PRKCB: variants seen among roughly 807,000 people sequenced by gnomAD.
PRKCB encodes the protein protein kinase C beta type.
A neutral mutation model predicts 81.5 loss-of-function variants in PRKCB; 13 were observed. The observed-to-expected ratio is 0.16, with a 90% CI of 0.10 to 0.25. The LOEUF (loss-of-function observed/expected upper bound fraction) is 0.25, where lower values mean the gene tolerates loss of function less well. Among genes scored for constraint, PRKCB ranks in the 10% least tolerant of loss-of-function variants. The pLI is 1.00. For missense variants in PRKCB, 509 were observed against 875.7 expected, an observed-to-expected ratio of 0.58 and a Z score of 5.29; for synonymous variants, 335 against 321.4, an observed-to-expected ratio of 1.04 and a Z score of -0.45.
chr16:24,184,414 C>T (rs1967671501), intron 13 of PRKCB, among the ~76,000 whole-genome samples: 1 of 150,826 alleles, frequency 6.6e-6, no homozygotes, highest in Non-Finnish European at 1.5e-5. Flanking sequence ...ATGATCTCAC[C>T]ACTGCACTCC....
At chr16:23,972,328 T>C (rs944211847) in intron 2 of PRKCB, among the ~76,000 whole-genome samples, 8 of 152,214 alleles carry the variant, frequency 5.3e-5, no homozygotes, top group Non-Finnish European at 1.0e-4. Flanking sequence ...TACATGCGTA[T>C]AATACATTTG....
At chr16:24,103,192 T>A (rs1966530995) in intron 7 of PRKCB, among the ~76,000 whole-genome samples, 1 of 152,230 alleles carries the variant, frequency 6.6e-6, no homozygotes, top group Non-Finnish European at 1.5e-5. Context: ...GAACAAGCAT[T>A]TAAGGGAATA....
At chr16:24,156,253 T>C (rs1967154169) in intron 10 of PRKCB, among the ~76,000 whole-genome samples, 3 of 152,130 alleles carry the variant, frequency 2.0e-5, no homozygotes, top group Admixed American at 6.5e-5. Context: ...ATTGGTTCAC[T>C]GTTGTGCTCC....
rs1966694963 is a variant in PRKCB at position 24,113,097 on chromosome 16, TTC to T, written c.918+30_918+31del. 8 of 1,552,614 alleles carry T rather than the reference TTC, an allele frequency of 5.2e-6. No individual in the cohort carries two copies. In the East Asian group the frequency reaches 1.6e-4, roughly 31 times the overall value. On this transcript the variant is annotated intron_variant, in intron 8 of 16. Coordinates refer to ENST00000643927, the MANE Select transcript of PRKCB (RefSeq NM_002738.7). ...GAGGTTTCTTTTCTTTTTCTCTTCT[TTC>T]TTTTTTCTCTTTCTTTTTTCCTTCT...
At chr16:24,051,025 C>T (rs1366727249) in intron 5 of PRKCB, among the ~76,000 whole-genome samples, 7 of 152,022 alleles carry the variant, frequency 4.6e-5, no homozygotes, top group African/African-American at 1.7e-4. Context: ...AGGCTGAGAG[C>T]TTTTGGGTCT....
chr16:23,959,831 C>T (rs1567326524), intron 2 of PRKCB, among the ~76,000 whole-genome samples: 1 of 152,182 alleles, frequency 6.6e-6, no homozygotes, highest in Non-Finnish European at 1.5e-5. Flanking sequence ...GATTTATTTT[C>T]ATTTAATCTT....
intron 3 of PRKCB, among the ~76,000 whole-genome samples, chr16:23,991,588 A>T (rs1037536000): frequency 6.6e-6 from 1 of 152,176 alleles, no homozygotes; most frequent in African/African-American, 2.4e-5. Flanking sequence ...ACTGACTTAT[A>T]TGAAAAGGAA....
chr16:24,157,850 G>A (rs1462073788), intron 10 of PRKCB, among the ~76,000 whole-genome samples: 1 of 151,196 alleles, frequency 6.6e-6, no homozygotes, highest in Non-Finnish European at 1.5e-5. Flanking sequence ...AGTTTCCTGA[G>A]GCCTCTCTAG....
intron 9 of PRKCB, among the ~76,000 whole-genome samples, chr16:24,150,327 C>A (rs995727695): frequency 2.0e-5 from 3 of 151,866 alleles, no homozygotes; most frequent in Non-Finnish European, 4.4e-5. Context: ...GTCTCAAAAA[C>A]GAAAAACAGA....
chr16:24,077,367 C>G (rs958435934), intron 5 of PRKCB, among the ~76,000 whole-genome samples: 7 of 152,020 alleles, frequency 4.6e-5, no homozygotes, highest in Non-Finnish European at 1.0e-4. Flanking sequence ...CCCACCTAAC[C>G]CATCCATCCA....
chr16:24,190,452 A>G (rs1967772202), intron 15 of PRKCB, among the ~76,000 whole-genome samples: 1 of 150,802 alleles, frequency 6.6e-6, no homozygotes, highest in Non-Finnish European at 1.5e-5. Context: ...TTAAACCAAA[A>G]TGGATAAATG....
intron 4 of PRKCB, among the ~76,000 whole-genome samples, chr16:24,032,799 G>C (rs556422184): frequency 3.3e-5 from 5 of 152,322 alleles, no homozygotes; most frequent in African/African-American, 1.2e-4. Flanking sequence ...CAAAGCAAGT[G>C]GCATGTGAGA....
chr16:23,967,285 G>T (rs1046663408), intron 2 of PRKCB, among the ~76,000 whole-genome samples: 1 of 152,168 alleles, frequency 6.6e-6, no homozygotes, highest in African/African-American at 2.4e-5. Context: ...CTTTTGGATG[G>T]TGGCCTTGGC....
At position 24,220,055 on chromosome 16, in the gene PRKCB, A is replaced by G. The variant is rs1329716375; in HGVS notation, c.*5239A>G. On this transcript the variant is annotated 3_prime_UTR_variant, in exon 17 of 17. Transcript: ENST00000643927. ...GATAAACTCTTCATCATGAACTTGG[A>G]CCAAAATGAATTTGCTGGCTTCTCT... 2 of 1,614,198 alleles carry G rather than the reference A, an allele frequency of 1.2e-6. No individual in the cohort carries two copies. Among genetic ancestry groups the G allele is most frequent in the African/African-American group, 1.3e-5 (1 of 75,042 alleles).
At chr16:24,084,101 C>A (rs892197042) in intron 5 of PRKCB, among the ~76,000 whole-genome samples, 1 of 152,008 alleles carries the variant, frequency 6.6e-6, no homozygotes, top group Non-Finnish European at 1.5e-5. Context: ...AATATGGAAA[C>A]AAGCTTAAGG....
chr16:24,122,448 G>GTTTTTTT, intron 8 of PRKCB, among the ~76,000 whole-genome samples: 2 of 93,346 alleles, frequency 2.1e-5, no homozygotes, highest in African/African-American at 1.2e-4. Flanking sequence ...CTACCACGAG[G>GTTTTTTT]CTTTTTTTTT....
chr16:23,896,215 A>T (rs1963376770), intron 2 of PRKCB, among the ~76,000 whole-genome samples: 1 of 152,174 alleles, frequency 6.6e-6, no homozygotes, highest in African/African-American at 2.4e-5. Flanking sequence ...ATGAATTGCT[A>T]TTGACACATG....
intron 7 of PRKCB, among the ~76,000 whole-genome samples, chr16:24,110,325 T>C (rs1243253981): frequency 2.0e-5 from 3 of 150,284 alleles, no homozygotes; most frequent in African/African-American, 7.4e-5. Flanking sequence ...GATTCTCCTG[T>C]CTCAGCCTCC....
Position 24,215,168 on chromosome 16 carries a change from CTG to C in PRKCB, c.*355_*356del. The C allele has an allele frequency of 3.8e-6, 4 of 1,045,546 alleles. No homozygotes were observed. The highest frequency in any genetic ancestry group is 3.5e-6 in the Non-Finnish European group (3 of 865,712). 64.8% of individuals were successfully genotyped at this position (1,045,546 alleles called of 1,614,324 possible). The stretch of plus-strand genomic sequence containing the variant: ...CCATATTCACCCCCAACCATCCAAT[CTG>C]TGGATAATTGGATGTTAGCGGTACT... On this transcript the variant is annotated 3_prime_UTR_variant, in exon 17 of 17. Coordinates refer to ENST00000643927, the MANE Select transcript of PRKCB (RefSeq NM_002738.7).
Sources: gnomAD v4.1 joint callset for allele counts (sites outside exome capture counted in the v4.1 genomes callset) on GRCh38, gnomAD v4.1.1 for gene constraint, MANE v1.5 for transcripts, NCBI Gene and HGNC (gene_info 2026-07-23, HGNC 2026-07-21) for gene names.